BIRC6: variants seen among roughly 807,000 people sequenced by gnomAD.
BIRC6 encodes the protein baculoviral IAP repeat containing 6, also known as dual E2 ubiquitin-conjugating enzyme/E3 ubiquitin-protein ligase BIRC6.
Under a neutral mutation model 503.3 loss-of-function variants are expected in BIRC6, and 98 were observed. The observed-to-expected ratio is 0.19, with a 90% CI of 0.17 to 0.23. The LOEUF is 0.23. BIRC6 is among the 10% of genes least tolerant of loss of function. The pLI, the probability that BIRC6 is intolerant of heterozygous loss-of-function variation, is 1.00. For synonymous variants in BIRC6, 2,240 were observed against 2,078.7 expected (o/e 1.08, Z -2.11); for missense variants, 5,360 against 5,806.0 (o/e 0.92, Z 2.50).
At chr2:32,498,424 T>C (rs985983571) in intron 45 of BIRC6, among the ~76,000 whole-genome samples, 2 of 152,200 alleles carry the variant, frequency 1.3e-5, no homozygotes, top group African/African-American at 4.8e-5. Context: ...CATTCCACTT[T>C]AAAATATTAT....
intron 50 of BIRC6, among the ~76,000 whole-genome samples, chr2:32,506,052 A>T (rs929452947): frequency 2.0e-5 from 3 of 151,954 alleles, no homozygotes; most frequent in African/African-American, 7.3e-5. Context: ...TTTTGTTATG[A>T]TGCCTAGGCT....
chr2:32,484,172 C>A (rs748942319), intron 39 of BIRC6, among the ~76,000 whole-genome samples: 2 of 152,082 alleles, frequency 1.3e-5, no homozygotes, highest in African/African-American at 4.8e-5. Flanking sequence ...CCATTGTGCC[C>A]GGCTGCTGTA....
At position 32,513,061 on chromosome 2, in the gene BIRC6, C is replaced by A. The variant is rs1392352735; in HGVS notation, c.10475C>A (p.Ser3492Tyr). 1 of 1,613,828 alleles carries A rather than the reference C, an allele frequency of 6.2e-7. No homozygotes were observed. Among genetic ancestry groups the A allele is most frequent in the Non-Finnish European group, 8.5e-7 (1 of 1,179,864 alleles). ...VEYGLLMPSP[S>Y]HLHCVAAILW... ...TATGGTCTTCTGATGCCATCTCCTTCTCATTTGCACTGTGTAGCAGCCATT... is the reference window on the plus strand; with the variant it reads ...TATGGTCTTCTGATGCCATCTCCTTATCATTTGCACTGTGTAGCAGCCATT... The change falls in exon 54 of 74, where the codon TCT (serine) becomes TAT (tyrosine). Residue 3492 changes from serine (S) to tyrosine (Y), a missense_variant. By Grantham distance (144) the Ser-to-Tyr change is moderately radical. Coordinates refer to ENST00000421745, the MANE Select transcript of BIRC6 (RefSeq NM_016252.4).
rs1196905211 is a variant in BIRC6 at position 32,374,434 on chromosome 2, A to G, written c.326-3154A>G. 2.6e-5 allele frequency among the ~76,000 whole-genome samples: 4 copies of G among 151,448 alleles called. No homozygotes were observed. In the East Asian group the frequency reaches 5.8e-4, roughly 22 times the overall value. On this transcript the variant is annotated intron_variant, in intron 1 of 73. Transcript: ENST00000421745. ...CCACCTCAGTGTCCGAGTAGCTAGA[A>G]CCACAGGTGTGTGCCACTACACCTG...
intron 42 of BIRC6, among the ~76,000 whole-genome samples, chr2:32,489,268 C>G (rs914657196): frequency 6.6e-6 from 1 of 151,996 alleles, no homozygotes; most frequent in African/African-American, 2.4e-5. Context: ...GATGCTTTCT[C>G]TCTATAGTGA....
In BIRC6 at chr2:32,439,691, G is replaced by GA. The variant is rs575949808; in HGVS notation, c.3810+8dup. ...GCTAAAGTTGCAGCAGGCAAGGTAT[G>GA]AAACTGTCATTTTGAACAATAACAA... On this transcript the variant is annotated splice_donor_region_variant and intron_variant, in intron 16 of 73. Transcript: ENST00000421745. 6.4e-4 allele frequency: 1,026 copies of GA among 1,611,208 alleles called. No individual in the cohort carries two copies. Among genetic ancestry groups the GA allele is most frequent in the Middle Eastern group, 1.5e-3 (9 of 6,048 alleles).
In BIRC6 at chr2:32,414,818, A is replaced by G; in HGVS notation, c.1527A>G (p.Ala509=). The change falls in exon 10 of 74, where the codon GCA becomes GCG. Residue 509 remains alanine (A), a synonymous_variant. Transcript: ENST00000421745. The part of the protein sequence containing the change: ...EAMEVSLDIT[A]LSILQQPEKL... The stretch of plus-strand genomic sequence containing the variant: ...TGGAAGTAAGCCTTGATATAACAGC[A>G]CTCAGCATTCTCCAACAGCCAGAAA... The G allele has an allele frequency of 6.2e-7, 1 of 1,613,960 alleles. No homozygotes were observed. The highest frequency in any genetic ancestry group is 1.1e-5 in the South Asian group (1 of 91,076).
intron 37 of BIRC6, among the ~76,000 whole-genome samples, chr2:32,480,691 G>C (rs1174157090): frequency 1.7e-5 from 2 of 118,254 alleles, no homozygotes; most frequent in African/African-American, 3.3e-5. Flanking sequence ...ACCCAGGCTG[G>C]AGCACAATGG....
intron 13 of BIRC6, among the ~76,000 whole-genome samples, chr2:32,434,994 G>GA (rs1328832812): frequency 1.3e-5 from 2 of 152,174 alleles, no homozygotes; most frequent in Non-Finnish European, 2.9e-5. Context: ...TAAGGGACTG[G>GA]AACATCTGTG....
chr2:32,575,355 C>G lies in BIRC6; in HGVS notation c.13344C>G (p.Thr4448=), dbSNP rs35286811. Reference sequence around the variant, plus strand: ...TGAAGACCTGTGTTGATACCTATACCAACCGTTTAAGGTACTATATACAAT... The same window carrying G: ...TGAAGACCTGTGTTGATACCTATACGAACCGTTTAAGGTACTATATACAAT... The part of the protein sequence containing the change: ...AKMKTCVDTY[T]NRLRSKRENV... Residue 4448 remains threonine (T), a synonymous_variant, in exon 66 of 74, where the codon ACC becomes ACG. Coordinates refer to ENST00000421745, the MANE Select transcript of BIRC6 (RefSeq NM_016252.4). The G allele has an allele frequency of 0.12, 194,199 of 1,612,908 alleles. 12,417 individuals are homozygous for G. The highest frequency in any genetic ancestry group is 0.15 in the Middle Eastern group (924 of 6,058).
chr2:32,514,658 T>G (rs2054822513), intron 54 of BIRC6, among the ~76,000 whole-genome samples: 1 of 152,248 alleles, frequency 6.6e-6, no homozygotes, highest in African/African-American at 2.4e-5. Context: ...TAAACATTTG[T>G]TTGGCATGAT....
At chr2:32,411,131 C>T (rs377585256) in intron 9 of BIRC6, among the ~76,000 whole-genome samples, 2 of 151,400 alleles carry the variant, frequency 1.3e-5, no homozygotes, top group African/African-American at 2.4e-5. Flanking sequence ...CTCTGCCTCC[C>T]GGGTTCAAAC....
In BIRC6 at chr2:32,503,015, T is replaced by C. The variant is rs771514115; in HGVS notation, c.9305-27T>C. ...TTGAACCATCTGTCCTGAGATCGAT[T>C]TCATTTCATATTCTTTATAAATTTA... On this transcript the variant is annotated intron_variant, in intron 48 of 73. Coordinates refer to ENST00000421745, the MANE Select transcript of BIRC6 (RefSeq NM_016252.4). 11 of 1,544,818 alleles carry C rather than the reference T, an allele frequency of 7.1e-6. No individual in the cohort carries two copies. In the African/African-American group the frequency reaches 1.5e-4, roughly 21 times the overall value.
At chr2:32,460,272 ATTTTTTTTTTT>A (rs70938346) in intron 23 of BIRC6, among the ~76,000 whole-genome samples, 7 of 18,816 alleles carry the variant, frequency 3.7e-4, no homozygotes, top group African/African-American at 9.2e-4. Context: ...ATATATATAT[ATTTTTTTTTTT>A]TTTTTTTTTT....
intron 9 of BIRC6, 138 bp downstream of exon 9, chr2:32,406,695 T>C (rs962444715): frequency 1.2e-4 from 66 of 561,922 alleles, no homozygotes; most frequent in South Asian, 1.1e-3. Flanking sequence ...GACTGAAATA[T>C]TGTGTGTCAG....
intron 43 of BIRC6, 47 bp downstream of exon 43, chr2:32,490,198 T>G: frequency 1.4e-6 from 2 of 1,426,220 alleles, no homozygotes; most frequent in Non-Finnish European, 2.0e-6. Context: ...TATACTTTAG[T>G]GTTCTACTAT....
At chr2:32,559,716 T>C (rs1362061013) in intron 65 of BIRC6, among the ~76,000 whole-genome samples, 1 of 145,832 alleles carries the variant, frequency 6.9e-6, no homozygotes, top group Non-Finnish European at 1.5e-5. Context: ...GTCTTCAAAA[T>C]CTTTAAAAAA....
chr2:32,392,808 A>AT lies in BIRC6; in HGVS notation c.951+672dup, dbSNP rs564215951. 3.9e-3 allele frequency among the ~76,000 whole-genome samples: 540 copies of AT among 139,918 alleles called. 2 individuals are homozygous for AT. The highest frequency in any genetic ancestry group is 0.033 in the East Asian group (162 of 4,856). 91.8% of individuals were successfully genotyped at this position (139,918 alleles called of 152,430 possible). On this transcript the variant is annotated intron_variant, in intron 5 of 73. Coordinates refer to ENST00000421745, the MANE Select transcript of BIRC6 (RefSeq NM_016252.4). Reference sequence around the variant, plus strand: ...CCTGGCTAACTTTTGCACCAACCTAATTTTTTTTTTTTTTGGTAGACACAG... The same window carrying AT: ...CCTGGCTAACTTTTGCACCAACCTAATTTTTTTTTTTTTTTGGTAGACACAG...
At chr2:32,540,589 A>G (rs1265416133) in intron 61 of BIRC6, among the ~76,000 whole-genome samples, 7 of 152,088 alleles carry the variant, frequency 4.6e-5, no homozygotes, top group Admixed American at 3.9e-4. Context: ...AGTGAATATA[A>G]TACTTTAAAA....
Sources: allele counts gnomAD v4.1 joint callset (sites outside exome capture counted in the v4.1 genomes callset), GRCh38; gene constraint gnomAD v4.1.1; transcripts MANE v1.5; gene names NCBI Gene and HGNC (gene_info 2026-07-23, HGNC 2026-07-21).